The following DIS3L2 variants were observed in gnomAD, a reference collection of about 807,000 sequenced individuals.
DIS3L2 encodes DIS3-like exonuclease 2.
DIS3L2 carries 34 observed loss-of-function variants against 97.5 expected under a neutral mutation model. The ratio of observed to expected loss-of-function variants is 0.35; its 90% CI spans 0.27 to 0.46. DIS3L2 has a LOEUF of 0.46. DIS3L2 is among the 20% of genes least tolerant of loss of function. DIS3L2 has a pLI of 1.00. For synonymous variants in DIS3L2, 435 were observed against 445.2 expected, an observed-to-expected ratio of 0.98 and a Z score of 0.29; for missense variants, 1,038 against 1,146.0, an observed-to-expected ratio of 0.91 and a Z score of 1.36.
Position 232,333,897 on chromosome 2 carries a change from G to A in DIS3L2, c.2068G>A (p.Ala690Thr), listed in dbSNP as rs916866725. 10 of 1,612,752 alleles carry A rather than the reference G, an allele frequency of 6.2e-6. No individual in the cohort carries two copies. The highest frequency in any genetic ancestry group is 5.3e-5 in the African/African-American group (4 of 74,912). ...GGACCCAGCGCAGTTCCGGCACTAC[G>A]CGCTCAATGTGCCCCTGTACACACA... ...LQDPAQFRHY[A>T]LNVPLYTHFT... is the part of the protein sequence containing the mutation. The change falls in exon 17 of 21, where the codon GCG becomes ACG. Residue 690 changes from alanine to threonine, a missense_variant. Physicochemically the swap from Ala to Thr is moderately conservative, Grantham distance 58 (BLOSUM62 0). This residue lies in a region of DIS3L2 where 813 missense variants were observed against 880.1 expected (regional missense o/e 0.92). Coordinates refer to ENST00000325385, the MANE Select transcript of DIS3L2 (RefSeq NM_152383.5).
intron 14 of DIS3L2, among the ~76,000 whole-genome samples, chr2:232,301,715 T>G (rs1405602290): frequency 6.6e-6 from 1 of 152,186 alleles, no homozygotes; most frequent in Non-Finnish European, 1.5e-5. Context: ...TGAAGAGTAT[T>G]TATTCAATGG....
At chr2:232,245,249 G>A (rs1006791377) in intron 11 of DIS3L2, among the ~76,000 whole-genome samples, 5 of 152,188 alleles carry the variant, frequency 3.3e-5, no homozygotes, top group Non-Finnish European at 7.3e-5. Flanking sequence ...AACCATCGCA[G>A]GCCTCATGTA....
chr2:231,980,697 CGA>C (rs1032456559), intron 1 of DIS3L2, among the ~76,000 whole-genome samples: 5 of 150,598 alleles, frequency 3.3e-5, no homozygotes, highest in Admixed American at 1.3e-4. Flanking sequence ...GACTCCGTCT[CGA>C]GAGAGAGAGA....
At chr2:232,323,314 A>G (rs2106341406) in intron 14 of DIS3L2, among the ~76,000 whole-genome samples, 1 of 152,310 alleles carries the variant, frequency 6.6e-6, no homozygotes, top group East Asian at 1.9e-4. Flanking sequence ...TTATGCTGAC[A>G]AGGGCCTTCT....
intron 13 of DIS3L2, among the ~76,000 whole-genome samples, chr2:232,276,000 A>G (rs1011210348): frequency 3.9e-5 from 6 of 152,264 alleles, no homozygotes; most frequent in African/African-American, 1.4e-4. Flanking sequence ...CTCTTATACT[A>G]GAAATGCTAA....
At chr2:232,080,276 C>T (rs1696349477) in intron 5 of DIS3L2, among the ~76,000 whole-genome samples, 1 of 152,048 alleles carries the variant, frequency 6.6e-6, no homozygotes, top group Non-Finnish European at 1.5e-5. Flanking sequence ...GGGTGAGGAG[C>T]AGGTTCTAGT....
intron 1 of DIS3L2, among the ~76,000 whole-genome samples, chr2:231,964,381 A>T (rs1471775711): frequency 6.6e-6 from 1 of 152,194 alleles, no homozygotes; most frequent in Middle Eastern, 3.2e-3. Flanking sequence ...CCCGGGACTG[A>T]CTAGGTTTGA....
intron 6 of DIS3L2, among the ~76,000 whole-genome samples, chr2:232,091,693 T>C (rs1466009183): frequency 2.0e-5 from 3 of 152,122 alleles, no homozygotes; most frequent in Non-Finnish European, 4.4e-5. Context: ...GCTGGTATGG[T>C]AGCTATTTCT....
intron 16 of DIS3L2, 85 bp from the exon 17 acceptor site, chr2:232,333,755 C>CGAAAGCCAA: frequency 4.0e-6 from 6 of 1,488,966 alleles, no homozygotes; most frequent in Admixed American, 4.5e-5. Flanking sequence ...TCGCTGCCGA[C>CGAAAGCCAA]GGTGAGGCTG....
chr2:232,288,854 A>G (rs1158601204), intron 13 of DIS3L2, among the ~76,000 whole-genome samples: 1 of 152,188 alleles, frequency 6.6e-6, no homozygotes, highest in Non-Finnish European at 1.5e-5. Flanking sequence ...GTTTATATAT[A>G]CCCTCATCTG....
intron 1 of DIS3L2, among the ~76,000 whole-genome samples, chr2:232,006,862 A>G (rs1007725785): frequency 1.0e-5 from 1 of 96,288 alleles, no homozygotes; most frequent in Non-Finnish European, 1.8e-5. Flanking sequence ...TCCTGCACAA[A>G]AAACAAGCAA....
At chr2:232,087,253 G>A (rs1424275799) in intron 5 of DIS3L2, among the ~76,000 whole-genome samples, 3 of 152,112 alleles carry the variant, frequency 2.0e-5, no homozygotes, top group Non-Finnish European at 4.4e-5. Flanking sequence ...AAGTGGATAA[G>A]GCATTAATTT....
At position 232,293,122 on chromosome 2, in the gene DIS3L2, C is replaced by T. The variant is rs538697169; in HGVS notation, c.1660-6918C>T. Among the ~76,000 whole-genome samples, 6 of 152,094 alleles carry T rather than the reference C, an allele frequency of 3.9e-5. No homozygotes were observed. The highest frequency in any genetic ancestry group is 4.2e-4 in the South Asian group (2 of 4,816). On this transcript the variant is annotated intron_variant, in intron 13 of 20. Coordinates refer to ENST00000325385, the MANE Select transcript of DIS3L2 (RefSeq NM_152383.5). The surrounding 1 kb of genome is among the most constrained non-coding windows in gnomAD (Gnocchi z 4.6). The stretch of plus-strand genomic sequence containing the variant: ...GCGCTGCTGCTGCCTGGTTCCTTGC[C>T]GTGCCTGATAGCTAGGAAGTATCTA...
rs903956991 is a variant in DIS3L2, at chr2:232,269,336, G to A, written c.1659+5896G>A. 1.3e-5 allele frequency among the ~76,000 whole-genome samples: 2 copies of A among 152,180 alleles called. No homozygotes were observed. The highest frequency in any genetic ancestry group is 2.9e-5 in the Non-Finnish European group (2 of 68,034). On this transcript the variant is annotated intron_variant, in intron 13 of 20. Coordinates refer to ENST00000325385, the MANE Select transcript of DIS3L2 (RefSeq NM_152383.5). The surrounding 1 kb of genome is among the most constrained non-coding windows in gnomAD (Gnocchi z 4.5). ...TGTACCATATATTTGATCCAAGGTA[G>A]GAAGGATGGGTACATTTATCCTGTC... is the stretch of plus-strand genomic sequence containing the variant.
At chr2:232,122,429 G>A (rs1044506700) in intron 6 of DIS3L2, among the ~76,000 whole-genome samples, 7 of 152,034 alleles carry the variant, frequency 4.6e-5, no homozygotes, top group African/African-American at 1.2e-4. Flanking sequence ...CTTATAACTC[G>A]CTACAGGCCA....
intron 9 of DIS3L2, 25 bp downstream of exon 9, chr2:232,163,657 A>G (rs1690721634): frequency 1.2e-6 from 2 of 1,606,806 alleles, no homozygotes; most frequent in Non-Finnish European, 1.7e-6. Context: ...CCCTTTAAGA[A>G]CGTATATCTC....
At chr2:232,076,073 C>T (rs2106292513) in intron 5 of DIS3L2, among the ~76,000 whole-genome samples, 1 of 152,344 alleles carries the variant, frequency 6.6e-6, no homozygotes, top group Middle Eastern at 3.4e-3. Context: ...TCTGCTTTCA[C>T]ACTTCACTGA....
intron 5 of DIS3L2, among the ~76,000 whole-genome samples, chr2:232,059,543 T>C (rs1332907081): frequency 6.6e-6 from 1 of 152,152 alleles, no homozygotes; most frequent in African/African-American, 2.4e-5. Flanking sequence ...TACCTGACTA[T>C]ATTGTGTGAT....
At chr2:232,166,658 G>A (rs1052088078) in intron 9 of DIS3L2, among the ~76,000 whole-genome samples, 3 of 152,146 alleles carry the variant, frequency 2.0e-5, no homozygotes, top group African/African-American at 7.2e-5. Flanking sequence ...GGAGGTTGCA[G>A]TGAGCCAAGA....
Sources: allele counts gnomAD v4.1 joint callset (sites outside exome capture counted in the v4.1 genomes callset), GRCh38; gene constraint gnomAD v4.1.1; regional missense constraint gnomAD v4.1.1; non-coding constraint Gnocchi (gnomAD v3.1); transcripts MANE v1.5; gene names NCBI Gene and HGNC (gene_info 2026-07-23, HGNC 2026-07-21).